KCNH6: variants seen among roughly 807,000 people sequenced by gnomAD.
KCNH6 encodes potassium voltage-gated channel subfamily H member 6, also known as voltage-gated inwardly rectifying potassium channel KCNH6.
Under a neutral mutation model 83.4 loss-of-function variants are expected in KCNH6, and 81 were observed. The ratio of observed to expected loss-of-function variants is 0.97; its 90% CI spans 0.81 to 1.17. The LOEUF (loss-of-function observed/expected upper bound fraction) is 1.17, where lower values mean the gene tolerates loss of function less well. Among genes scored for constraint, KCNH6 ranks in the 50% most tolerant of loss-of-function variants. The pLI, the probability that KCNH6 is intolerant of heterozygous loss-of-function variation, is 0.00. For synonymous variants in KCNH6, 503 were observed against 545.6 expected, an observed-to-expected ratio of 0.92 and a Z score of 1.09; for missense variants, 1,203 against 1,290.5, an observed-to-expected ratio of 0.93 and a Z score of 1.04.
intron 8 of KCNH6, 70 bp from the exon 9 acceptor site, chr17:63,542,171 C>T (rs778646486): frequency 9.2e-5 from 140 of 1,529,128 alleles, no homozygotes; most frequent in Non-Finnish European, 1.2e-4. Flanking sequence ...GGGGAGGTCA[C>T]GGTCAAAGGA....
chr17:63,530,042 A>G (rs1441775749), intron 2 of KCNH6, 49 bp from the exon 3 acceptor site: 2 of 1,597,110 alleles, frequency 1.3e-6, no homozygotes, highest in Non-Finnish European at 1.7e-6. Flanking sequence ...CCACTGCAGG[A>G]GGGGACCCCT....
intron 2 of KCNH6, among the ~76,000 whole-genome samples, chr17:63,529,499 C>T (rs1186611635): frequency 6.6e-6 from 1 of 152,242 alleles, no homozygotes; most frequent in Non-Finnish European, 1.5e-5. Context: ...TCTCTCCATG[C>T]TCCCTCCCAG....
rs866919638 is a variant in KCNH6 at position 63,538,400 on chromosome 17, C to G, written c.1702-10C>G. 6.3e-7 allele frequency: 1 copy of G among 1,591,212 alleles called. No individual in the cohort carries two copies. The highest frequency in any genetic ancestry group is 8.5e-7 in the Non-Finnish European group (1 of 1,170,078). On this transcript the variant is annotated splice_polypyrimidine_tract_variant and intron_variant, in intron 7 of 12. Transcript: ENST00000314672. The surrounding 1 kb of genome is among the most constrained non-coding windows in gnomAD (Gnocchi z 4.0). ...CCGCGTCCCGCTGGACTTGGCCGCCCGCCTTGCAGGTGCTGAAGGGCTTCC... is the reference window on the plus strand; with the variant it reads ...CCGCGTCCCGCTGGACTTGGCCGCCGGCCTTGCAGGTGCTGAAGGGCTTCC...
In KCNH6 at chr17:63,545,201, T is replaced by C. The variant is rs752775130; in HGVS notation, c.2520T>C (p.Pro840=). The C allele has an allele frequency of 5.0e-6, 8 of 1,613,790 alleles. No homozygotes were observed. In the East Asian group the frequency reaches 1.3e-4, roughly 27 times the overall value. Residue 840 remains proline (P), a synonymous_variant, in exon 12 of 13, where the codon CCT becomes CCC. Transcript: ENST00000314672. ...CCTCCAATGACCTGGCCTTGGTTCC[T>C]ATAGCCTCGGAGACGACGAGTCCAG... ...APASNDLALV[P]IASETTSPGP... is the part of the protein sequence containing the mutation.
At position 63,534,454 on chromosome 17, in the gene KCNH6, C is replaced by G; in HGVS notation, c.1101+143C>G. The G allele has an allele frequency of 1.2e-6, 1 of 830,486 alleles. No individual in the cohort carries two copies. The highest frequency in any genetic ancestry group is 1.8e-6 in the Non-Finnish European group (1 of 544,004). 51.4% of individuals were successfully genotyped at this position (830,486 alleles called of 1,614,324 possible). A position where few individuals can be genotyped will look rare whatever the true frequency, so the allele number is the denominator to read the frequency against. On this transcript the variant is annotated intron_variant, in intron 5 of 12. Coordinates refer to ENST00000314672, the MANE Select transcript of KCNH6 (RefSeq NM_001278919.2). This position sits in a 1 kb window ranked among gnomAD's most constrained non-coding sequence, Gnocchi z 5.0. ...AGCACGTGGAGGTGGAGAGGAGGCC[C>G]CAAACATCTGTCACCTCCCAGCCCT... is the stretch of plus-strand genomic sequence containing the variant.
chr17:63,526,030 C>T (rs1347507316), intron 2 of KCNH6, among the ~76,000 whole-genome samples: 4 of 152,186 alleles, frequency 2.6e-5, no homozygotes, highest in Non-Finnish European at 5.9e-5. Context: ...CTGAAGGTGT[C>T]TGGGCAGAGG....
Position 63,535,879 on chromosome 17 carries a change from G to A in KCNH6, c.1312G>A (p.Asp438Asn), listed in dbSNP as rs763767334. ...CCTAGAACACAAGATCGGCTGGCTG[G>A]ACAGCCTGGGTGTGCAGCTTGGCAA... ...PYLEHKIGWL[D>N]SLGVQLGKRY... Residue 438 changes from aspartate to asparagine, a missense_variant, in exon 6 of 13, where the codon GAC becomes AAC. Asp to Asn is a conservative substitution (Grantham distance 23). Coordinates refer to ENST00000314672, the MANE Select transcript of KCNH6 (RefSeq NM_001278919.2). The surrounding 1 kb of genome is among the most constrained non-coding windows in gnomAD (Gnocchi z 4.9). 42 of 1,614,016 alleles carry A rather than the reference G, an allele frequency of 2.6e-5. No individual in the cohort carries two copies. The highest frequency in any genetic ancestry group is 3.3e-5 in the Non-Finnish European group (39 of 1,180,052).
Position 63,538,297 on chromosome 17 carries a change from C to A in KCNH6, c.1701+33C>A. 2 of 1,551,750 alleles carry A rather than the reference C, an allele frequency of 1.3e-6. No homozygotes were observed. The highest frequency in any genetic ancestry group is 1.7e-6 in the Non-Finnish European group (2 of 1,150,912). ...CCGCCGCTCCGGCTAATGCCCCGGG[C>A]GTGGGGGGGAGCCAAGATCCTGCGG... On this transcript the variant is annotated intron_variant, in intron 7 of 12. Transcript: ENST00000314672. The surrounding 1 kb of genome is among the most constrained non-coding windows in gnomAD (Gnocchi z 4.0).
chr17:63,547,161 T>G (rs934169126), downstream of KCNH6, among the ~76,000 whole-genome samples: 8 of 152,136 alleles, frequency 5.3e-5, no homozygotes, highest in African/African-American at 1.9e-4. Context: ...CTGATCTAGG[T>G]GCTGGTTACA....
At chr17:63,536,387 A>G (rs1289082073) in intron 6 of KCNH6, among the ~76,000 whole-genome samples, 1 of 152,236 alleles carries the variant, frequency 6.6e-6, no homozygotes, top group Non-Finnish European at 1.5e-5. Context: ...TCAAGGCTGT[A>G]ATCCCAGCAC....
At chr17:63,543,482 GT>G in intron 9 of KCNH6, 93 bp from the exon 10 acceptor site, 1 of 785,928 alleles carries the variant, frequency 1.3e-6, no homozygotes, top group Non-Finnish European at 2.2e-6. Flanking sequence ...CTTTCACCTA[GT>G]TGTGACAGCA....
intron 8 of KCNH6, among the ~76,000 whole-genome samples, chr17:63,539,378 C>T (rs1462117599): frequency 6.6e-6 from 1 of 152,178 alleles, no homozygotes. Context: ...CTCCTCGCCC[C>T]TCCTCACCTG....
At chr17:63,531,653 C>T (rs759965899) in intron 4 of KCNH6, among the ~76,000 whole-genome samples, 1 of 152,254 alleles carries the variant, frequency 6.6e-6, no homozygotes, top group Non-Finnish European at 1.5e-5. Flanking sequence ...ACTGTGTCCT[C>T]TGAGGTCAGG....
At chr17:63,532,592 G>C (rs2032195515) in intron 4 of KCNH6, among the ~76,000 whole-genome samples, 1 of 152,260 alleles carries the variant, frequency 6.6e-6, no homozygotes, top group Non-Finnish European at 1.5e-5. Flanking sequence ...GGTCACTGCA[G>C]GGTGGGGACA....
At chr17:63,524,074 T>C in intron 1 of KCNH6, 65 bp from the exon 2 acceptor site, 1 of 1,154,848 alleles carries the variant, frequency 8.7e-7, no homozygotes, top group East Asian at 2.3e-5. Flanking sequence ...GTCCTTATGA[T>C]CTTTCCCTCC....
At position 63,530,349 on chromosome 17, in the gene KCNH6, G is replaced by T; in HGVS notation, c.482G>T (p.Gly161Val). 1 of 1,614,146 alleles carries T rather than the reference G, an allele frequency of 6.2e-7. No individual in the cohort carries two copies. Among genetic ancestry groups the T allele is most frequent in the Non-Finnish European group, 8.5e-7 (1 of 1,180,004 alleles). The change falls in exon 4 of 13, where the codon GGC becomes GTC. Residue 161 changes from glycine to valine, a missense_variant. Coordinates refer to ENST00000314672, the MANE Select transcript of KCNH6 (RefSeq NM_001278919.2). The stretch of plus-strand genomic sequence containing the variant: ...GCCCTGGTTTCAGAGGGCTCTCATG[G>T]CAGGCCAGGCGGACCAGGGCCAGGC... The part of the protein sequence containing the change: ...QSFLGSEGSH[G>V]RPGGPGPGTG...
At chr17:63,525,998 C>T (rs2031687120) in intron 2 of KCNH6, among the ~76,000 whole-genome samples, 1 of 152,178 alleles carries the variant, frequency 6.6e-6, no homozygotes, top group Non-Finnish European at 1.5e-5. Flanking sequence ...CAGGTGATGG[C>T]TCTTGAGGTC....
Position 63,538,690 on chromosome 17 carries a change from G to A in KCNH6, c.1954+28G>A. ...GGGTCCGGCGGAGTGGACCAGGCCT[G>A]TGTTGGGGATTGGATGGAAGAGGGC... On this transcript the variant is annotated intron_variant, in intron 8 of 12. Transcript: ENST00000314672. The surrounding 1 kb of genome is among the most constrained non-coding windows in gnomAD (Gnocchi z 4.0). 2 of 1,542,432 alleles carry A rather than the reference G, an allele frequency of 1.3e-6. No individual in the cohort carries two copies. The highest frequency in any genetic ancestry group is 1.8e-6 in the Non-Finnish European group (2 of 1,140,880).
At chr17:63,530,691 C>A in intron 4 of KCNH6, 149 bp downstream of exon 4, 1 of 708,310 alleles carries the variant, frequency 1.4e-6, no homozygotes, top group Non-Finnish European at 2.3e-6. Context: ...CCCGGGCCTC[C>A]TGTCCTGTTT....
Sources: allele counts gnomAD v4.1 joint callset (sites outside exome capture counted in the v4.1 genomes callset), GRCh38; gene constraint gnomAD v4.1.1; non-coding constraint Gnocchi (gnomAD v3.1); transcripts MANE v1.5; gene names NCBI Gene and HGNC (gene_info 2026-07-23, HGNC 2026-07-21).